CDH13: variants seen among roughly 807,000 people sequenced by gnomAD.
The protein encoded by CDH13 is cadherin 13, also known as cadherin-13.
In CDH13, 24 loss-of-function variants were observed where a neutral mutation model predicts 63.8. That is an observed-to-expected ratio of 0.38 (90% CI 0.27 to 0.53). CDH13 has a LOEUF of 0.53. Among genes scored for constraint, CDH13 ranks in the 20% least tolerant of loss-of-function variants. CDH13 has a pLI of 0.85. For synonymous variants in CDH13, 503 were observed against 355.3 expected (o/e 1.42, Z -4.67); for missense variants, 1,049 against 903.1 (o/e 1.16, Z -2.07).
chr16:83,664,087 G>C (rs916663695), intron 8 of CDH13, among the ~76,000 whole-genome samples: 8 of 152,074 alleles, frequency 5.3e-5, no homozygotes, highest in African/African-American at 1.9e-4. Flanking sequence ...AGCCTAAGAA[G>C]TCAAGGCTGC....
chr16:83,468,953 G>A (rs2073387675), intron 6 of CDH13, among the ~76,000 whole-genome samples: 1 of 152,112 alleles, frequency 6.6e-6, no homozygotes, highest in Non-Finnish European at 1.5e-5. Context: ...ATTGCCCGTG[G>A]GTTTCTGATT....
chr16:82,734,508 G>A (rs2033569043), intron 1 of CDH13, among the ~76,000 whole-genome samples: 1 of 152,180 alleles, frequency 6.6e-6, no homozygotes, highest in South Asian at 2.1e-4. Flanking sequence ...GCCACTGTAG[G>A]GGAGAGAGGG....
intron 7 of CDH13, among the ~76,000 whole-genome samples, chr16:83,555,841 C>CAAGATGTACAACTTAGTACAAGTCCTT (rs2075589074): frequency 1.3e-5 from 2 of 152,272 alleles, no homozygotes; most frequent in African/African-American, 4.8e-5. Flanking sequence ...ACATCTTAGA[C>CAAGATGTACAACTTAGTACAAGTCCTT]AGTTGCAAGG....
intron 4 of CDH13, among the ~76,000 whole-genome samples, chr16:83,149,053 A>G (rs1317443566): frequency 1.3e-5 from 2 of 152,226 alleles, no homozygotes; most frequent in East Asian, 3.9e-4. Flanking sequence ...GAAGTATAGA[A>G]TCATAGTGGA....
At chr16:83,030,217 C>G (rs138910322) in intron 2 of CDH13, among the ~76,000 whole-genome samples, 7 of 152,282 alleles carry the variant, frequency 4.6e-5, no homozygotes, top group Admixed American at 2.0e-4. Flanking sequence ...GCACCACTGC[C>G]TTCATTTTGT....
intron 4 of CDH13, among the ~76,000 whole-genome samples, chr16:83,173,332 G>A (rs1046335640): frequency 9.9e-5 from 15 of 152,106 alleles, no homozygotes; most frequent in African/African-American, 1.2e-4. Context: ...ATTTGTTAAA[G>A]AGAATTGGAA....
chr16:82,838,159 C>T (rs1275271280), intron 1 of CDH13, among the ~76,000 whole-genome samples: 1 of 152,240 alleles, frequency 6.6e-6, no homozygotes, highest in Non-Finnish European at 1.5e-5. Context: ...ACCAAGTCCT[C>T]ACCCTTTTCA....
chr16:82,896,276 AT>A (rs59677448), intron 2 of CDH13, among the ~76,000 whole-genome samples: 2,632 of 86,392 alleles, frequency 0.03, 5 homozygotes, highest in Non-Finnish European at 0.037. Flanking sequence ...TAGGATTAGG[AT>A]TTTTTTTTTT....
At chr16:82,802,000 T>G (rs999592644) in intron 1 of CDH13, among the ~76,000 whole-genome samples, 7 of 152,154 alleles carry the variant, frequency 4.6e-5, no homozygotes, top group African/African-American at 1.4e-4. Context: ...TAATGTCACC[T>G]CCATGGGCGG....
intron 1 of CDH13, among the ~76,000 whole-genome samples, chr16:82,847,474 T>G (rs2039309598): frequency 6.6e-6 from 1 of 151,958 alleles, no homozygotes; most frequent in South Asian, 2.1e-4. Context: ...GTTCATCTCA[T>G]AACATATCAC....
At position 83,688,118 on chromosome 16, in the gene CDH13, C is replaced by G. The variant is rs16961294; in HGVS notation, c.1538+9657C>G. Among the ~76,000 whole-genome samples, 1,377 of 152,260 alleles carry G rather than the reference C, an allele frequency of 9.0e-3. 66 individuals are homozygous for G. The highest frequency in any genetic ancestry group is 0.071 in the Admixed American group (1,081 of 15,298). On this transcript the variant is annotated intron_variant, in intron 10 of 13. Transcript: ENST00000567109. ...CCAATTTCCATTTTTACTGGTCTTC[C>G]CATGATTCATCAAGTCCTTTTCTTT...
intron 1 of CDH13, among the ~76,000 whole-genome samples, chr16:82,708,354 G>A (rs1405110094): frequency 6.6e-6 from 1 of 152,120 alleles, no homozygotes; most frequent in African/African-American, 2.4e-5. Context: ...TGCAAATAGG[G>A]CATAAGGGGA....
chr16:83,087,441 G>A lies in CDH13; in HGVS notation c.367-37944G>A, dbSNP rs531772746. Among the ~76,000 whole-genome samples, 13 of 152,006 alleles carry A rather than the reference G, an allele frequency of 8.6e-5. No individual in the cohort carries two copies. The South Asian group carries it at 1.5e-3, about 17-fold the overall frequency. On this transcript the variant is annotated intron_variant, in intron 3 of 13. Transcript: ENST00000567109. ...TCCCAGCACTTTGAGAGGCCGAGGC[G>A]GGCAGATCACGAGGTCAGGAGTTCG...
At chr16:82,903,028 A>G (rs1293319257) in intron 2 of CDH13, among the ~76,000 whole-genome samples, 2 of 152,200 alleles carry the variant, frequency 1.3e-5, no homozygotes, top group Admixed American at 6.5e-5. Flanking sequence ...TGACTCTTAC[A>G]TTATTTCTTT....
chr16:83,689,434 A>G (rs528821537), intron 10 of CDH13, among the ~76,000 whole-genome samples: 13 of 152,336 alleles, frequency 8.5e-5, no homozygotes, highest in African/African-American at 2.9e-4. Flanking sequence ...GAGTTTGTCT[A>G]TCAATCACTA....
intron 10 of CDH13, among the ~76,000 whole-genome samples, chr16:83,688,849 G>A (rs1904570919): frequency 6.6e-6 from 1 of 152,164 alleles, no homozygotes; most frequent in African/African-American, 2.4e-5. Context: ...CAGATGTTCT[G>A]TTATGAAGAT....
intron 5 of CDH13, among the ~76,000 whole-genome samples, chr16:83,243,794 T>C (rs984219930): frequency 1.3e-5 from 2 of 152,198 alleles, no homozygotes. Flanking sequence ...TATGGTCAGT[T>C]AGTAAATGAG....
intron 6 of CDH13, among the ~76,000 whole-genome samples, chr16:83,369,170 A>G (rs1567622309): frequency 6.6e-6 from 1 of 151,722 alleles, no homozygotes; most frequent in Admixed American, 6.6e-5. Context: ...GTACTTGTTT[A>G]CATTCCCACC....
At chr16:82,757,653 T>G (rs889718774) in intron 1 of CDH13, among the ~76,000 whole-genome samples, 1 of 102,338 alleles carries the variant, frequency 9.8e-6, no homozygotes, top group Non-Finnish European at 2.4e-5. Flanking sequence ...TTTTGTTTTT[T>G]TTTTTTTTGG....
Sources: gnomAD v4.1 joint callset for allele counts (sites outside exome capture counted in the v4.1 genomes callset) on GRCh38, gnomAD v4.1.1 for gene constraint, MANE v1.5 for transcripts, NCBI Gene and HGNC (gene_info 2026-07-23, HGNC 2026-07-21) for gene names.